SVOP: variants seen among roughly 807,000 people sequenced by gnomAD.
SVOP encodes the protein SV2 related protein.
In SVOP, 17 loss-of-function variants were observed where a neutral mutation model predicts 69.1. That is an observed-to-expected ratio of 0.25 (90% CI 0.17 to 0.37). The LOEUF is 0.37. Among genes scored for constraint, SVOP ranks in the 10% least tolerant of loss-of-function variants. The probability of loss-of-function intolerance (pLI) is 1.00; values close to 1 mark genes in which losing one functional copy is unlikely to be tolerated. For missense variants in SVOP, 435 were observed against 597.5 expected, an observed-to-expected ratio of 0.73 and a Z score of 2.84; for synonymous variants, 238 against 238.6, an observed-to-expected ratio of 1.00 and a Z score of 0.02.
intron 11 of SVOP, among the ~76,000 whole-genome samples, chr12:108,927,595 T>C (rs1198108643): frequency 2.7e-5 from 4 of 148,828 alleles, no homozygotes; most frequent in East Asian, 2.0e-4. Context: ...CTCTCTTTTT[T>C]TTTTTTTTTT....
intron 6 of SVOP, among the ~76,000 whole-genome samples, chr12:108,957,884 C>A (rs2137420138): frequency 6.6e-6 from 1 of 152,340 alleles, no homozygotes; most frequent in Non-Finnish European, 1.5e-5. Context: ...CTGCAAGGAA[C>A]TCAACTGTGA....
At chr12:108,985,851 A>G (rs1380504410) in intron 1 of SVOP, among the ~76,000 whole-genome samples, 1 of 152,254 alleles carries the variant, frequency 6.6e-6, no homozygotes, top group African/African-American at 2.4e-5. Context: ...GTATTTCACC[A>G]GAGTAACTGT....
intron 5 of SVOP, among the ~76,000 whole-genome samples, chr12:108,968,323 T>G (rs1333818305): frequency 1.3e-5 from 2 of 152,206 alleles, no homozygotes; most frequent in Non-Finnish European, 2.9e-5. Flanking sequence ...CTCCACACTC[T>G]TCAGTCTTGT....
At chr12:109,005,168 G>T (rs1057223869) in intron 1 of SVOP, among the ~76,000 whole-genome samples, 1 of 152,190 alleles carries the variant, frequency 6.6e-6, no homozygotes, top group African/African-American at 2.4e-5. Flanking sequence ...TCTGTGTGTG[G>T]AATTCAGAGT....
At chr12:108,956,258 C>T (rs532782189) in intron 6 of SVOP, among the ~76,000 whole-genome samples, 8 of 150,414 alleles carry the variant, frequency 5.3e-5, no homozygotes, top group East Asian at 2.0e-4. Flanking sequence ...GCCGAGATTG[C>T]GCCACTGCAC....
intron 6 of SVOP, among the ~76,000 whole-genome samples, chr12:108,950,085 A>C (rs1030012661): frequency 1.3e-5 from 2 of 152,118 alleles, no homozygotes; most frequent in African/African-American, 4.8e-5. Context: ...TATTTTTGAG[A>C]CAGGGTTTTG....
chr12:108,937,266 T>C lies in SVOP; in HGVS notation c.969A>G (p.Ile323Met). ...FRWTTLLLWF[I>M]WFSNAFSYYG... ...AGTGGTCAACAAACAGCTCTTACCA[T>C]ATAAACCACAGCAGCAAAGTTGTCC... is the stretch of plus-strand genomic sequence containing the variant. The change falls in exon 10 of 16, where the codon ATA becomes ATG. Residue 323 changes from isoleucine (I) to methionine (M), a missense_variant and splice_region_variant. Ile to Met is a conservative substitution (Grantham distance 10, BLOSUM62 1). Coordinates refer to ENST00000610966, the MANE Select transcript of SVOP (RefSeq NM_018711.5). 2 of 1,613,962 alleles carry C rather than the reference T, an allele frequency of 1.2e-6. No homozygotes were observed. The highest frequency in any genetic ancestry group is 1.7e-6 in the Non-Finnish European group (2 of 1,179,874).
At chr12:108,943,369 G>T (rs1055385775) in intron 7 of SVOP, among the ~76,000 whole-genome samples, 18 of 151,798 alleles carry the variant, frequency 1.2e-4, no homozygotes, top group Admixed American at 4.6e-4. Flanking sequence ...AGGCCGAGGT[G>T]GGTGGCTCAT....
In SVOP at chr12:108,940,895, G is replaced by C. The variant is rs894640043; in HGVS notation, c.657C>G (p.Ile219Met). 3.9e-6 allele frequency: 6 copies of C among 1,536,786 alleles called. No individual in the cohort carries two copies. Among genetic ancestry groups the C allele is most frequent in the Non-Finnish European group, 5.2e-6 (6 of 1,146,706 alleles). ...CCAGGACGACCTCGAACACTGTCCCGATGGCCCAGAATACCTGGCACAGGA... is the reference window on the plus strand; with the variant it reads ...CCAGGACGACCTCGAACACTGTCCCCATGGCCCAGAATACCTGGCACAGGA... ...CILLIEVFWA[I>M]GTVFEVVLAV... The change falls in exon 8 of 16, where the codon ATC (isoleucine) becomes ATG (methionine). Residue 219 changes from isoleucine (I) to methionine (M), a missense_variant. Coordinates refer to ENST00000610966, the MANE Select transcript of SVOP (RefSeq NM_018711.5).
chr12:108,948,343 G>C (rs1160632980), intron 6 of SVOP, among the ~76,000 whole-genome samples: 2 of 152,136 alleles, frequency 1.3e-5, no homozygotes, highest in Non-Finnish European at 2.9e-5. Context: ...CAATCAATGG[G>C]TTTCCTTACA....
chr12:109,006,952 G>C lies in SVOP; in HGVS notation c.35+13882C>G, dbSNP rs73413024. On this transcript the variant is annotated intron_variant, in intron 1 of 15. Coordinates refer to ENST00000610966, the MANE Select transcript of SVOP (RefSeq NM_018711.5). ...AGATGGCTGCAGAGGAGTCAGGGAG[G>C]CCAGGAAGGAAGCTGTGTGGCCAGT... is the stretch of plus-strand genomic sequence containing the variant. Among the ~76,000 whole-genome samples the C allele has an allele frequency of 6.5e-3, 985 of 152,296 alleles. 20 individuals are homozygous for C. The highest frequency in any genetic ancestry group is 0.022 in the African/African-American group (927 of 41,564).
At chr12:108,994,757 C>T (rs80135290) in intron 1 of SVOP, among the ~76,000 whole-genome samples, 1 of 152,182 alleles carries the variant, frequency 6.6e-6, no homozygotes, top group South Asian at 2.1e-4. Context: ...CTAGCATGCT[C>T]TTTGCAGCTT....
At position 108,908,003 on chromosome 12, in the gene SVOP, C is replaced by G. The variant is rs1292131251; in HGVS notation, c.*4532G>C. ...TACCTCTCCACCACTTCTTCCTGAC[C>G]CAATTGAATTGGACCAAGACTCAAT... On this transcript the variant is annotated 3_prime_UTR_variant, in exon 16 of 16. Coordinates refer to ENST00000610966, the MANE Select transcript of SVOP (RefSeq NM_018711.5). 6.6e-6 allele frequency: 1 copy of G among 152,188 alleles called. No homozygotes were observed. Among genetic ancestry groups the G allele is most frequent in the Non-Finnish European group, 1.5e-5 (1 of 68,066 alleles). The allele number at this position is 152,188 out of a possible 1,614,324, so 9.4% of individuals were successfully genotyped here. A position where few individuals can be genotyped will look rare whatever the true frequency, so the allele number is the denominator to read the frequency against.
chr12:109,006,320 T>C (rs532345911), intron 1 of SVOP, among the ~76,000 whole-genome samples: 1 of 152,308 alleles, frequency 6.6e-6, no homozygotes, highest in Admixed American at 6.5e-5. Context: ...CCCAAAGTGC[T>C]GGGATTACAG....
At chr12:109,007,100 G>C (rs1365141533) in intron 1 of SVOP, among the ~76,000 whole-genome samples, 1 of 152,158 alleles carries the variant, frequency 6.6e-6, no homozygotes, top group African/African-American at 2.4e-5. Flanking sequence ...CATCTTCATA[G>C]GGAGGCTCCT....
intron 6 of SVOP, among the ~76,000 whole-genome samples, chr12:108,948,720 T>C (rs2039938174): frequency 6.6e-6 from 1 of 152,200 alleles, no homozygotes; most frequent in East Asian, 1.9e-4. Context: ...TTGAGATATA[T>C]ATATACTACC....
At chr12:108,941,979 AT>A (rs2039893903) in intron 7 of SVOP, among the ~76,000 whole-genome samples, 1 of 152,124 alleles carries the variant, frequency 6.6e-6, no homozygotes, top group Non-Finnish European at 1.5e-5. Flanking sequence ...ATTCTGTACC[AT>A]TAAGCAATAA....
intron 2 of SVOP, among the ~76,000 whole-genome samples, chr12:108,982,799 A>ACTG (rs2040146295): frequency 3.4e-5 from 5 of 146,756 alleles, no homozygotes; most frequent in African/African-American, 1.3e-4. Flanking sequence ...TATCATCATC[A>ACTG]TCACCATCAT....
At chr12:108,958,597 T>C (rs563767307) in intron 6 of SVOP, among the ~76,000 whole-genome samples, 1 of 152,308 alleles carries the variant, frequency 6.6e-6, no homozygotes, top group Admixed American at 6.5e-5. Context: ...TGACTATATT[T>C]GAAGCAAGTG....
Sources: allele counts gnomAD v4.1 joint callset (sites outside exome capture counted in the v4.1 genomes callset), GRCh38; gene constraint gnomAD v4.1.1; transcripts MANE v1.5; gene names NCBI Gene and HGNC (gene_info 2026-07-23, HGNC 2026-07-21).